The following CACNA2D1 variants were observed in gnomAD, a reference collection of about 807,000 sequenced individuals.
CACNA2D1 encodes the protein voltage-dependent calcium channel subunit alpha-2/delta-1.
In CACNA2D1, 53 loss-of-function variants were observed where a neutral mutation model predicts 171.5. The ratio of observed to expected loss-of-function variants is 0.31; its 90% CI spans 0.25 to 0.39. The LOEUF (loss-of-function observed/expected upper bound fraction) is 0.39. Ranked by LOEUF, CACNA2D1 falls within the 10% of genes least tolerant of loss-of-function variation. The pLI is 1.00. For synonymous variants in CACNA2D1, 442 were observed against 443.1 expected (o/e 1.00, Z 0.03); for missense variants, 903 against 1,299.8 (o/e 0.69, Z 4.69).
intron 12 of CACNA2D1, among the ~76,000 whole-genome samples, chr7:82,032,252 T>G (rs1802789587): frequency 6.6e-6 from 1 of 151,960 alleles, no homozygotes; most frequent in South Asian, 2.1e-4. Flanking sequence ...ATGAAATGCT[T>G]TCTTTTAATA....
At chr7:82,378,957 G>A (rs1375293262) in intron 1 of CACNA2D1, among the ~76,000 whole-genome samples, 1 of 150,948 alleles carries the variant, frequency 6.6e-6, no homozygotes, top group Non-Finnish European at 1.5e-5. Context: ...GTGTGTGTGT[G>A]TGTGTGTGTG....
intron 12 of CACNA2D1, among the ~76,000 whole-genome samples, chr7:82,017,029 G>C (rs1024723478): frequency 1.3e-5 from 2 of 151,826 alleles, no homozygotes; most frequent in African/African-American, 4.8e-5. Context: ...TTATACAACT[G>C]CTTTACCATT....
rs115269661 is a variant in CACNA2D1 at position 82,073,328 on chromosome 7, A to T, written c.659-6804T>A. 3.1e-3 allele frequency among the ~76,000 whole-genome samples: 472 copies of T among 152,266 alleles called. 7 individuals carry two copies. Among genetic ancestry groups the T allele is most frequent in the African/African-American group, 9.8e-3 (406 of 41,558 alleles). ...CTCTCTTTCAGTTCTAGTACTTATG[A>T]TCTTGACTTGTTTATCCAGCTTAAA... On this transcript the variant is annotated intron_variant, in intron 7 of 38. Transcript: ENST00000356860.
intron 1 of CACNA2D1, among the ~76,000 whole-genome samples, chr7:82,410,203 A>G (rs535769153): frequency 2.0e-5 from 3 of 152,338 alleles, no homozygotes; most frequent in South Asian, 4.2e-4. Context: ...CTTCAGAAAC[A>G]TAAACACACA....
intron 10 of CACNA2D1, among the ~76,000 whole-genome samples, chr7:82,041,659 A>G (rs1239889049): frequency 6.6e-6 from 1 of 152,190 alleles, no homozygotes; most frequent in Non-Finnish European, 1.5e-5. Flanking sequence ...TTGAAAACTG[A>G]GTATCTTCAG....
chr7:82,367,238 A>C (rs1378110935), intron 1 of CACNA2D1, among the ~76,000 whole-genome samples: 1 of 151,926 alleles, frequency 6.6e-6, no homozygotes, highest in Non-Finnish European at 1.5e-5. Context: ...ATCCATTCTG[A>C]CTGCCGTGAG....
intron 1 of CACNA2D1, among the ~76,000 whole-genome samples, chr7:82,361,079 T>C (rs1821028827): frequency 6.6e-6 from 1 of 152,198 alleles, no homozygotes; most frequent in Non-Finnish European, 1.5e-5. Flanking sequence ...ATTTAATTGC[T>C]TTCAACCTTT....
intron 3 of CACNA2D1, among the ~76,000 whole-genome samples, chr7:82,332,010 A>G (rs999185923): frequency 9.2e-5 from 14 of 152,192 alleles, no homozygotes; most frequent in Admixed American, 2.6e-4. Flanking sequence ...TCCAGTAATG[A>G]AAGTTTATCT....
intron 1 of CACNA2D1, among the ~76,000 whole-genome samples, chr7:82,435,081 G>A (rs1830012189): frequency 1.4e-5 from 2 of 139,154 alleles, no homozygotes; most frequent in South Asian, 2.3e-4. Context: ...TGTCACCCAG[G>A]CTGGAATGCA....
chr7:82,027,707 C>G (rs1584468103), intron 12 of CACNA2D1: 1 of 151,668 alleles, frequency 6.6e-6, no homozygotes, highest in Non-Finnish European at 1.5e-5. Context: ...TGCCATTTTT[C>G]CAACAGCACA....
chr7:82,248,877 G>A (rs899367218), intron 3 of CACNA2D1, among the ~76,000 whole-genome samples: 2 of 151,952 alleles, frequency 1.3e-5, no homozygotes, highest in Admixed American at 6.6e-5. Flanking sequence ...CAGCACTTTG[G>A]GAGGCCGAGG....
At chr7:82,150,480 C>G (rs1430301642) in intron 4 of CACNA2D1, among the ~76,000 whole-genome samples, 2 of 149,744 alleles carry the variant, frequency 1.3e-5, no homozygotes. Flanking sequence ...GCATGTAAAA[C>G]TGTAAAAAAG....
intron 1 of CACNA2D1, among the ~76,000 whole-genome samples, chr7:82,394,868 G>A (rs1401285954): frequency 6.6e-6 from 1 of 152,154 alleles, no homozygotes; most frequent in East Asian, 1.9e-4. Flanking sequence ...TTTGACTAAA[G>A]TGAACCAACT....
intron 1 of CACNA2D1, among the ~76,000 whole-genome samples, chr7:82,421,517 G>A (rs1828713653): frequency 6.6e-6 from 1 of 152,080 alleles, no homozygotes; most frequent in Non-Finnish European, 1.5e-5. Flanking sequence ...TCAAATCATG[G>A]GTGATACATA....
intron 3 of CACNA2D1, among the ~76,000 whole-genome samples, chr7:82,281,444 C>A (rs1810086679): frequency 6.6e-6 from 1 of 152,160 alleles, no homozygotes; most frequent in Non-Finnish European, 1.5e-5. Context: ...CTACACAAGA[C>A]AATGTGGACA....
At chr7:82,235,418 T>C (rs1345675878) in intron 3 of CACNA2D1, among the ~76,000 whole-genome samples, 2 of 152,156 alleles carry the variant, frequency 1.3e-5, no homozygotes, top group African/African-American at 2.4e-5. Flanking sequence ...GAACTTTCCC[T>C]GATGGGAGGG....
At chr7:82,104,630 T>C (rs1014027235) in intron 6 of CACNA2D1, among the ~76,000 whole-genome samples, 4 of 152,052 alleles carry the variant, frequency 2.6e-5, no homozygotes, top group African/African-American at 7.2e-5. Context: ...GGCTATCCAG[T>C]TCACACTATA....
intron 6 of CACNA2D1, among the ~76,000 whole-genome samples, chr7:82,094,901 T>TCC (rs1331955251): frequency 6.6e-6 from 1 of 152,046 alleles, no homozygotes; most frequent in African/African-American, 2.4e-5. Context: ...TTAAATACCC[T>TCC]CCCTCCCTCT....
At chr7:82,331,289 T>G (rs1004882150) in intron 3 of CACNA2D1, among the ~76,000 whole-genome samples, 2 of 152,148 alleles carry the variant, frequency 1.3e-5, no homozygotes, top group Non-Finnish European at 2.9e-5. Context: ...ATTCATGATG[T>G]TTTCCACTGT....
Sources: allele counts gnomAD v4.1 joint callset (sites outside exome capture counted in the v4.1 genomes callset), GRCh38; gene constraint gnomAD v4.1.1; transcripts MANE v1.5; gene names NCBI Gene and HGNC (gene_info 2026-07-23, HGNC 2026-07-21).